Variants in RALYL observed in about 807,000 individuals in gnomAD.
RALYL encodes the protein RALY RNA binding protein like.
Under a neutral mutation model 35.1 loss-of-function variants are expected in RALYL, and 29 were observed. The observed-to-expected ratio is 0.83, with a 90% confidence interval of 0.61 to 1.13. The LOEUF is 1.13. RALYL is among the 50% of genes most tolerant of loss of function. RALYL has a pLI of 0.00. For synonymous variants in RALYL, 120 were observed against 127.6 expected, an observed-to-expected ratio of 0.94 and a Z score of 0.40; for missense variants, 359 against 360.4, an observed-to-expected ratio of 1.00 and a Z score of 0.03.
chr8:84,818,525 G>C (rs1032988304), intron 4 of RALYL, among the ~76,000 whole-genome samples: 1 of 152,152 alleles, frequency 6.6e-6, no homozygotes, highest in Non-Finnish European at 1.5e-5. Flanking sequence ...CATACCCCAC[G>C]TATCAGACAT....
intron 1 of RALYL, among the ~76,000 whole-genome samples, chr8:84,379,663 A>AAAAAAC (rs1437067413): frequency 6.6e-6 from 1 of 151,860 alleles, no homozygotes; most frequent in South Asian, 2.1e-4. Flanking sequence ...ACAAACAAAC[A>AAAAAAC]AAAAACAAAA....
chr8:84,592,684 G>C (rs1021175970), intron 2 of RALYL, among the ~76,000 whole-genome samples: 1 of 152,204 alleles, frequency 6.6e-6, no homozygotes, highest in Middle Eastern at 3.4e-3. Flanking sequence ...ATAGTACATG[G>C]AACAGAGGAA....
At chr8:84,676,172 ATT>A (rs1216237894) in intron 2 of RALYL, among the ~76,000 whole-genome samples, 34 of 152,288 alleles carry the variant, frequency 2.2e-4, no homozygotes, top group African/African-American at 7.7e-4. Context: ...ATGAAAGAAT[ATT>A]TTCTCTTTGG....
At chr8:84,687,037 T>G (rs1021764627) in intron 2 of RALYL, among the ~76,000 whole-genome samples, 1 of 152,196 alleles carries the variant, frequency 6.6e-6, no homozygotes, top group Non-Finnish European at 1.5e-5. Context: ...AATGGCAACT[T>G]CATGAATTCT....
chr8:84,657,779 A>G (rs190019640), intron 2 of RALYL, among the ~76,000 whole-genome samples: 1 of 152,194 alleles, frequency 6.6e-6, no homozygotes, highest in Non-Finnish European at 1.5e-5. Context: ...AGATGTTGCA[A>G]CAGGGCTACA....
intron 1 of RALYL, among the ~76,000 whole-genome samples, chr8:84,423,039 G>C (rs1167452458): frequency 9.0e-4 from 135 of 150,238 alleles, no homozygotes; most frequent in African/African-American, 3.2e-3. Context: ...ATTTGGGGTG[G>C]ACAGTTCTGT....
At chr8:84,823,639 G>A (rs1828981605) in intron 4 of RALYL, among the ~76,000 whole-genome samples, 1 of 151,812 alleles carries the variant, frequency 6.6e-6, no homozygotes, top group Non-Finnish European at 1.5e-5. Flanking sequence ...TCCCACCTCT[G>A]CCTTCTTCTC....
intron 1 of RALYL, among the ~76,000 whole-genome samples, chr8:84,330,909 G>A (rs773607535): frequency 3.9e-5 from 6 of 152,036 alleles, no homozygotes; most frequent in Non-Finnish European, 8.8e-5. Flanking sequence ...ACTGCATTAT[G>A]TTCATTTGCA....
intron 1 of RALYL, among the ~76,000 whole-genome samples, chr8:84,333,430 C>T (rs368757266): frequency 6.6e-6 from 1 of 151,978 alleles, no homozygotes; most frequent in Non-Finnish European, 1.5e-5. Context: ...TCAGTCTAAT[C>T]GGGAAAATAA....
chr8:84,640,504 A>G (rs1489203956), intron 2 of RALYL, among the ~76,000 whole-genome samples: 1 of 152,014 alleles, frequency 6.6e-6, no homozygotes, highest in Non-Finnish European at 1.5e-5. Context: ...AATTCTTAGT[A>G]ACTGCATAAG....
At chr8:84,406,070 A>G (rs1466459344) in intron 1 of RALYL, among the ~76,000 whole-genome samples, 6 of 151,526 alleles carry the variant, frequency 4.0e-5, no homozygotes, top group Non-Finnish European at 8.8e-5. Context: ...GTAAAAAAAA[A>G]AAAAAAGAAT....
intron 1 of RALYL, among the ~76,000 whole-genome samples, chr8:84,355,103 A>C (rs1187339772): frequency 1.3e-5 from 2 of 150,442 alleles, no homozygotes; most frequent in Admixed American, 1.3e-4. Flanking sequence ...TCCATGAAGA[A>C]GACGTAAGGA....
intron 2 of RALYL, among the ~76,000 whole-genome samples, chr8:84,720,827 G>C (rs1843756719): frequency 6.6e-6 from 1 of 151,858 alleles, no homozygotes; most frequent in Non-Finnish European, 1.5e-5. Flanking sequence ...ATGAACAAAA[G>C]ATCTGAATAG....
At chr8:84,192,843 C>T (rs1309056438) in intron 1 of RALYL, among the ~76,000 whole-genome samples, 2 of 142,044 alleles carry the variant, frequency 1.4e-5, no homozygotes, top group African/African-American at 2.7e-5. Flanking sequence ...GTGCCCAGCC[C>T]GCAACTGAAT....
At chr8:84,748,590 G>A (rs945541353) in intron 2 of RALYL, among the ~76,000 whole-genome samples, 1 of 152,008 alleles carries the variant, frequency 6.6e-6, no homozygotes, top group Admixed American at 6.6e-5. Context: ...AAAAGATGAA[G>A]CTAACAGTAA....
chr8:84,641,981 G>C (rs1826448065), intron 2 of RALYL, among the ~76,000 whole-genome samples: 1 of 151,692 alleles, frequency 6.6e-6, no homozygotes, highest in African/African-American at 2.4e-5. Flanking sequence ...ATTATAGTTA[G>C]AAACTAGTTT....
intron 2 of RALYL, among the ~76,000 whole-genome samples, chr8:84,750,749 C>A (rs1809782809): frequency 6.6e-6 from 1 of 152,016 alleles, no homozygotes; most frequent in Non-Finnish European, 1.5e-5. Flanking sequence ...ATGCTCAGCC[C>A]CCTTACCATG....
chr8:84,274,567 G>A (rs1487133632), intron 1 of RALYL, among the ~76,000 whole-genome samples: 1 of 152,022 alleles, frequency 6.6e-6, no homozygotes, highest in Non-Finnish European at 1.5e-5. Context: ...GGGCAATAAA[G>A]CAAATCAAAA....
intron 2 of RALYL, among the ~76,000 whole-genome samples, chr8:84,565,054 T>G (rs1345770785): frequency 1.3e-5 from 2 of 151,648 alleles, no homozygotes; most frequent in African/African-American, 4.8e-5. Flanking sequence ...TTTAAATGTC[T>G]TATTCTGTTT....
Sources: allele counts gnomAD v4.1 joint callset (sites outside exome capture counted in the v4.1 genomes callset), GRCh38; gene constraint gnomAD v4.1.1; transcripts MANE v1.5; gene names NCBI Gene and HGNC (gene_info 2026-07-23, HGNC 2026-07-21).